Variants in UPB1 observed in about 807,000 individuals in gnomAD.
UPB1 encodes beta-ureidopropionase 1.
Under a neutral mutation model 49.1 loss-of-function variants are expected in UPB1, and 40 were observed. That is an observed-to-expected ratio of 0.81 (90% CI 0.63 to 1.06). The LOEUF (loss-of-function observed/expected upper bound fraction) is 1.06. Ranked by LOEUF, UPB1 falls within the 50% of genes least tolerant of loss-of-function variation. The pLI, the probability that UPB1 is intolerant of heterozygous loss-of-function variation, is 0.00. For synonymous variants in UPB1, 207 were observed against 198.2 expected, an observed-to-expected ratio of 1.04 and a Z score of -0.38; for missense variants, 499 against 505.9, an observed-to-expected ratio of 0.99 and a Z score of 0.13.
intron 5 of UPB1, among the ~76,000 whole-genome samples, 192 bp from the exon 6 acceptor site, chr22:24,515,009 C>T (rs893723776): frequency 3.3e-5 from 5 of 152,048 alleles, no homozygotes; most frequent in South Asian, 2.1e-4. Flanking sequence ...TGATTTCCCC[C>T]GGGGGCTGGC....
chr22:24,510,727 C>T (rs1480552905), intron 3 of UPB1, 22 bp from the exon 4 acceptor site: 3 of 1,612,164 alleles, frequency 1.9e-6, no homozygotes, highest in Non-Finnish European at 2.5e-6. Flanking sequence ...GGATATAATT[C>T]TGCCCTTTCT....
Position 24,523,753 on chromosome 22 carries a change from A to G in UPB1, c.1051A>G (p.Asn351Asp), listed in dbSNP as rs1408128228. 1 of 1,614,142 alleles carries G rather than the reference A, an allele frequency of 6.2e-7. No individual in the cohort carries two copies. Among genetic ancestry groups the G allele is most frequent in the Non-Finnish European group, 8.5e-7 (1 of 1,180,060 alleles). Residue 351 changes from asparagine to aspartate, a missense_variant, in exon 9 of 10, where the codon AAT becomes GAT. By Grantham distance (23) the Asn-to-Asp change is conservative. Transcript: ENST00000326010. Reference sequence around the variant, plus strand: ...CGACCTAAACCTCTGCCAGCAGGTGAATGATGTCTGGAACTTCAAGGTAGG... The same window carrying G: ...CGACCTAAACCTCTGCCAGCAGGTGGATGATGTCTGGAACTTCAAGGTAGG... ...KLDLNLCQQV[N>D]DVWNFKMTGR... is the part of the protein sequence containing the mutation.
In UPB1 at chr22:24,527,857, TC is replaced by T. The variant is rs1371787634; in HGVS notation, c.*2065del. The stretch of plus-strand genomic sequence containing the variant: ...AGACACAGTGAGCTTTTTTGCCTGT[TC>T]CTTTAGCTTTCAAAATTTAGTGTCA... On this transcript the variant is annotated 3_prime_UTR_variant, in exon 10 of 10. Transcript: ENST00000326010. 2 of 151,996 alleles carry T rather than the reference TC, an allele frequency of 1.3e-5. No homozygotes were observed. Among genetic ancestry groups the T allele is most frequent in the Non-Finnish European group, 2.9e-5 (2 of 68,046 alleles). The allele number at this position is 151,996 out of a possible 1,614,324, so 9.4% of individuals were successfully genotyped here.
In UPB1 at chr22:24,513,550, T is replaced by C. The variant is rs2147026510; in HGVS notation, c.621+65T>C. 6 of 1,561,838 alleles carry C rather than the reference T, an allele frequency of 3.8e-6. No homozygotes were observed. In the South Asian group the frequency reaches 7.0e-5, roughly 18 times the overall value. On this transcript the variant is annotated intron_variant, in intron 5 of 9. Transcript: ENST00000326010. The stretch of plus-strand genomic sequence containing the variant: ...TGCCCCTCTGTATGTTGTAGATCTC[T>C]GTGGGACTTTCTGTGGGGAAGTTCT...
At chr22:24,522,423 G>A (rs2044410845) in intron 8 of UPB1, among the ~76,000 whole-genome samples, 1 of 152,180 alleles carries the variant, frequency 6.6e-6, no homozygotes, top group Admixed American at 6.5e-5. Context: ...ATGCCACAGG[G>A]CATTGGCATG....
intron 4 of UPB1, among the ~76,000 whole-genome samples, chr22:24,512,244 G>T (rs982007261): frequency 1.3e-5 from 2 of 152,220 alleles, no homozygotes; most frequent in African/African-American, 4.8e-5. Flanking sequence ...AGCCAGGGCT[G>T]GAGGAAGAGT....
chr22:24,511,597 A>ATT (rs1178119205), intron 4 of UPB1, among the ~76,000 whole-genome samples: 2 of 138,290 alleles, frequency 1.4e-5, no homozygotes, highest in Non-Finnish European at 3.0e-5. Flanking sequence ...TGCTCTGTGA[A>ATT]TTATATATAT....
chr22:24,518,847 A>G (rs1252621539), intron 6 of UPB1, among the ~76,000 whole-genome samples: 1 of 152,028 alleles, frequency 6.6e-6, no homozygotes, highest in Non-Finnish European at 1.5e-5. Flanking sequence ...TTGCCTTTCC[A>G]CTGCGATTAT....
intron 6 of UPB1, among the ~76,000 whole-genome samples, chr22:24,516,946 G>C (rs766970644): frequency 6.6e-6 from 1 of 152,134 alleles, no homozygotes; most frequent in Non-Finnish European, 1.5e-5. Context: ...GGATGGTCTC[G>C]ATCTCCTGAC....
rs147376509 is a variant in UPB1, at chr22:24,519,207, C to T, written c.792-1180C>T. On this transcript the variant is annotated intron_variant, in intron 6 of 9. Coordinates refer to ENST00000326010, the MANE Select transcript of UPB1 (RefSeq NM_016327.3). ...GCAAAATGAGTCCCCTCAATCAAGC[C>T]TGTGATTTTTTATTTTTTCAGACTC... Among the ~76,000 whole-genome samples the T allele has an allele frequency of 1.2e-4, 19 of 152,182 alleles. No individual in the cohort carries two copies. The East Asian group carries it at 3.5e-3, about 28-fold the overall frequency.
intron 6 of UPB1, among the ~76,000 whole-genome samples, chr22:24,515,682 A>G (rs1420770107): frequency 1.3e-5 from 2 of 152,172 alleles, no homozygotes. Context: ...GGCTTCAAAA[A>G]GCCCCACATT....
chr22:24,500,383 TG>T (rs1473539165), intron 2 of UPB1, 105 bp downstream of exon 2: 3 of 1,521,746 alleles, frequency 2.0e-6, no homozygotes, highest in Non-Finnish European at 1.8e-6. Flanking sequence ...TCTGCAGGCT[TG>T]GGCGCCTCAA....
intron 6 of UPB1, among the ~76,000 whole-genome samples, chr22:24,519,532 G>C (rs1340739979): frequency 1.3e-5 from 2 of 152,132 alleles, no homozygotes; most frequent in African/African-American, 4.8e-5. Flanking sequence ...CCCTTTGCAG[G>C]TGCTGAAGTG....
chr22:24,511,591 C>G (rs531624733), intron 4 of UPB1, among the ~76,000 whole-genome samples: 30 of 147,822 alleles, frequency 2.0e-4, no homozygotes, highest in African/African-American at 7.0e-4. Flanking sequence ...ATCTTATGCT[C>G]TGTGAATTAT....
At chr22:24,495,655 T>C in intron 1 of UPB1, 148 bp downstream of exon 1, 1 of 820,380 alleles carries the variant, frequency 1.2e-6, no homozygotes, top group Non-Finnish European at 2.0e-6. Context: ...TAGTAGGTCT[T>C]GATGGGACGG....
rs148662372 is a variant in UPB1 at position 24,526,343 on chromosome 22, A to C, written c.*549A>C. On this transcript the variant is annotated 3_prime_UTR_variant, in exon 10 of 10. Transcript: ENST00000326010. ...ACAGAAGTCCATTCCCAATTGACTA[A>C]GTAAGTGAGATTATCTCAGATAATC... 1.4e-3 allele frequency: 277 copies of C among 202,094 alleles called. 1 individual carries two copies. The highest frequency in any genetic ancestry group is 6.1e-3 in the African/African-American group (260 of 42,944). The allele number at this position is 202,094 out of a possible 1,614,324, so 12.5% of individuals were successfully genotyped here. A position where few individuals can be genotyped will look rare whatever the true frequency, so the allele number is the denominator to read the frequency against.
intron 1 of UPB1, among the ~76,000 whole-genome samples, chr22:24,498,718 A>G (rs1441903931): frequency 1.3e-5 from 2 of 152,100 alleles, no homozygotes; most frequent in South Asian, 2.1e-4. Context: ...GGTTACAGCC[A>G]TGTTTCCACA....
intron 1 of UPB1, among the ~76,000 whole-genome samples, 176 bp downstream of exon 1, chr22:24,495,683 GTTGCAGAATCC>G (rs1345674286): frequency 1.3e-5 from 2 of 152,104 alleles, no homozygotes; most frequent in Non-Finnish European, 2.9e-5. Context: ...GTCCTTGGGG[GTTGCAGAATCC>G]TGGCGTGACC....
intron 3 of UPB1, among the ~76,000 whole-genome samples, chr22:24,508,899 G>GA (rs780341517): frequency 6.6e-6 from 1 of 152,098 alleles, no homozygotes. Flanking sequence ...AAGAAAAAAA[G>GA]AAAGAAATGC....
Sources: allele counts gnomAD v4.1 joint callset (sites outside exome capture counted in the v4.1 genomes callset), GRCh38; gene constraint gnomAD v4.1.1; transcripts MANE v1.5; gene names NCBI Gene and HGNC (gene_info 2026-07-23, HGNC 2026-07-21).